PDX1: variants seen among roughly 807,000 people sequenced by gnomAD.
The protein encoded by PDX1 is pancreas/duodenum homeobox protein 1.
In PDX1, 7 loss-of-function variants were observed where a neutral mutation model predicts 11.1. The observed-to-expected ratio is 0.63, with a 90% confidence interval of 0.36 to 1.19. The LOEUF (loss-of-function observed/expected upper bound fraction) is 1.19, where lower values mean the gene tolerates loss of function less well. Among genes scored for constraint, PDX1 ranks in the 50% most tolerant of loss-of-function variants. The pLI is 0.02. For missense variants in PDX1, 449 were observed against 412.1 expected (o/e 1.09, Z -0.78); for synonymous variants, 232 against 196.2 (o/e 1.18, Z -1.53).
In PDX1 at chr13:27,925,751, A is replaced by G. The variant is rs1246481906; in HGVS notation, c.*1050A>G. Reference sequence around the variant, plus strand: ...GAACATCTTGCAAGGCAGGGCGAGCAGCGGCAGGGCTGGCTTAGGAGCAGT... The same window carrying G: ...GAACATCTTGCAAGGCAGGGCGAGCGGCGGCAGGGCTGGCTTAGGAGCAGT... On this transcript the variant is annotated 3_prime_UTR_variant, in exon 2 of 2. Coordinates refer to ENST00000381033, the MANE Select transcript of PDX1 (RefSeq NM_000209.4). 6.3e-6 allele frequency: 1 copy of G among 159,084 alleles called. No individual in the cohort carries two copies. Among genetic ancestry groups the G allele is most frequent in the Non-Finnish European group, 1.4e-5 (1 of 72,800 alleles). The allele number at this position is 159,084 out of a possible 1,614,324, so 9.9% of individuals were successfully genotyped here.
In PDX1 at chr13:27,924,497, G is replaced by C; in HGVS notation, c.648G>C (p.Gly216=). ...DKKRGGGTAV[G]GGGVAEPEQD... Reference sequence around the variant, plus strand: ...AGCGCGGCGGCGGGACAGCTGTCGGGGGTGGCGGGGTCGCGGAGCCTGAGC... The same window carrying C: ...AGCGCGGCGGCGGGACAGCTGTCGGCGGTGGCGGGGTCGCGGAGCCTGAGC... Residue 216 remains glycine (G), a synonymous_variant, in exon 2 of 2, where the codon GGG becomes GGC. Coordinates refer to ENST00000381033, the MANE Select transcript of PDX1 (RefSeq NM_000209.4). The surrounding 1 kb of genome is among the most constrained non-coding windows in gnomAD (Gnocchi z 4.8). The C allele has an allele frequency of 1.2e-6, 2 of 1,611,942 alleles. No individual in the cohort carries two copies. Among genetic ancestry groups the C allele is most frequent in the Non-Finnish European group, 8.5e-7 (1 of 1,179,618 alleles).
chr13:27,924,725 A>AG lies in PDX1; in HGVS notation c.*28dup. 1 of 1,458,780 alleles carries AG rather than the reference A, an allele frequency of 6.9e-7. No individual in the cohort carries two copies. The highest frequency in any genetic ancestry group is 9.0e-7 in the Non-Finnish European group (1 of 1,109,748). 90.4% of individuals were successfully genotyped at this position (1,458,780 alleles called of 1,614,324 possible). Reference sequence around the variant, plus strand: ...GAGAGGCAGGAGCTGCTCCTGGCTGAGGGGCTTCAACCACTCGCCGAGGAG... The same window carrying AG: ...GAGAGGCAGGAGCTGCTCCTGGCTGAGGGGGCTTCAACCACTCGCCGAGGAG... On this transcript the variant is annotated 3_prime_UTR_variant, in exon 2 of 2. Transcript: ENST00000381033. The surrounding 1 kb of genome is among the most constrained non-coding windows in gnomAD (Gnocchi z 4.8).
rs757558416 is a variant in PDX1 at position 27,920,533 on chromosome 13, G to A, written c.395G>A (p.Gly132Asp). ...MKSTKAHAWK[G>D]QWAGGAYAAE... Reference sequence around the variant, plus strand: ...TCTACCAAAGCTCACGCGTGGAAAGGCCAGTGGGCAGGTAAGCCTGGCTCC... The same window carrying A: ...TCTACCAAAGCTCACGCGTGGAAAGACCAGTGGGCAGGTAAGCCTGGCTCC... The change falls in exon 1 of 2, where the codon GGC becomes GAC. Residue 132 changes from glycine (G) to aspartate (D), a missense_variant. Gly to Asp is a moderately conservative substitution (Grantham distance 94). Around this residue, in one of 3 missense-constraint regions of PDX1, gnomAD observed 263 missense variants for 212.5 expected, o/e 1.24. Coordinates refer to ENST00000381033, the MANE Select transcript of PDX1 (RefSeq NM_000209.4). 37 of 1,612,922 alleles carry A rather than the reference G, an allele frequency of 2.3e-5. No homozygotes were observed. In the South Asian group the frequency reaches 4.0e-4, roughly 17 times the overall value.
chr13:27,924,490 C>T lies in PDX1; in HGVS notation c.641C>T (p.Ala214Val), dbSNP rs1170060236. 3.7e-6 allele frequency: 6 copies of T among 1,612,438 alleles called. No individual in the cohort carries two copies. The highest frequency in any genetic ancestry group is 5.1e-6 in the Non-Finnish European group (6 of 1,179,766). The change falls in exon 2 of 2, where the codon GCT (alanine) becomes GTT (valine). Residue 214 changes from alanine (A) to valine (V), a missense_variant. Coordinates refer to ENST00000381033, the MANE Select transcript of PDX1 (RefSeq NM_000209.4). This position sits in a 1 kb window ranked among gnomAD's most constrained non-coding sequence, Gnocchi z 4.8. ...GACAAGAAGCGCGGCGGCGGGACAGCTGTCGGGGGTGGCGGGGTCGCGGAG... is the reference window on the plus strand; with the variant it reads ...GACAAGAAGCGCGGCGGCGGGACAGTTGTCGGGGGTGGCGGGGTCGCGGAG... ...EEDKKRGGGTAVGGGGVAEPE... is the reference protein window; with the variant it reads ...EEDKKRGGGTVVGGGGVAEPE...
chr13:27,924,697 G>T lies in PDX1; in HGVS notation c.848G>T (p.Arg283Leu), dbSNP rs754817283. 2 of 1,472,036 alleles carry T rather than the reference G, an allele frequency of 1.4e-6. No individual in the cohort carries two copies. The highest frequency in any genetic ancestry group is 1.3e-5 in the South Asian group (1 of 75,852). The allele number at this position is 1,472,036 out of a possible 1,614,324, so 91.2% of individuals were successfully genotyped here. The change falls in exon 2 of 2, where the codon CGA (arginine) becomes CTA (leucine). Residue 283 changes from arginine (R) to leucine (L), a missense_variant. Transcript: ENST00000381033. The surrounding 1 kb of genome is among the most constrained non-coding windows in gnomAD (Gnocchi z 4.8). ...GCGCCTCGGCGGCCGCAGGAACCAC[G>T]ATGAGAGGCAGGAGCTGCTCCTGGC... is the stretch of plus-strand genomic sequence containing the variant. ...SVAPRRPQEP[R>L]
At chr13:27,921,923 G>A (rs909353493) in intron 1 of PDX1, among the ~76,000 whole-genome samples, 1 of 152,208 alleles carries the variant, frequency 6.6e-6, no homozygotes, top group African/African-American at 2.4e-5. Context: ...GAAGTCTCCG[G>A]AAATGCGGGG....
Position 27,920,027 on chromosome 13 carries a change from G to C in PDX1, c.-112G>C. 3.0e-6 allele frequency: 4 copies of C among 1,340,028 alleles called. No homozygotes were observed. The highest frequency in any genetic ancestry group is 4.1e-6 in the Non-Finnish European group (4 of 965,282). 83.0% of individuals were successfully genotyped at this position (1,340,028 alleles called of 1,614,324 possible). A position where few individuals can be genotyped will look rare whatever the true frequency, so the allele number is the denominator to read the frequency against. ...GATCAGTGCGGAGCTGTCAAAGCGA[G>C]CAGGGGTGGCGCCGGGAGTGGGAAC... On this transcript the variant is annotated 5_prime_UTR_variant, in exon 1 of 2. Coordinates refer to ENST00000381033, the MANE Select transcript of PDX1 (RefSeq NM_000209.4).
chr13:27,920,928 A>C (rs1957781869), intron 1 of PDX1, among the ~76,000 whole-genome samples: 1 of 152,174 alleles, frequency 6.6e-6, no homozygotes, highest in Non-Finnish European at 1.5e-5. Flanking sequence ...CACATCGAGG[A>C]AGCCGAGTAG....
intron 1 of PDX1, 50 bp downstream of exon 1, chr13:27,920,594 C>T (rs769449809): frequency 3.0e-5 from 48 of 1,591,910 alleles, no homozygotes; most frequent in Non-Finnish European, 4.1e-5. Context: ...CACCCGGCCG[C>T]CTTACCTCCA....
Position 27,920,147 on chromosome 13 carries a change from C to A in PDX1, c.9C>A (p.Gly3=). 3 of 1,549,766 alleles carry A rather than the reference C, an allele frequency of 1.9e-6. No homozygotes were observed. Among genetic ancestry groups the A allele is most frequent in the Non-Finnish European group, 2.6e-6 (3 of 1,146,676 alleles). ...AATCCCGGGCCGCAGCCATGAACGG[C>A]GAGGAGCAGTACTACGCGGCCACGC... MN[G]EEQYYAATQL... Residue 3 remains glycine (G), a synonymous_variant, in exon 1 of 2, where the codon GGC becomes GGA. Transcript: ENST00000381033.
In PDX1 at chr13:27,924,995, T is replaced by C; in HGVS notation, c.*294T>C. ...GCGTTGTTTGTGGCTGTTGCGCACA[T>C]CCCTGCCCTCCTACAGCACTCCACC... On this transcript the variant is annotated 3_prime_UTR_variant, in exon 2 of 2. Transcript: ENST00000381033. This position sits in a 1 kb window ranked among gnomAD's most constrained non-coding sequence, Gnocchi z 4.8. 2.8e-6 allele frequency: 1 copy of C among 360,176 alleles called. No homozygotes were observed. Among genetic ancestry groups the C allele is most frequent in the Non-Finnish European group, 4.9e-6 (1 of 204,074 alleles). The allele number at this position is 360,176 out of a possible 1,614,324, so 22.3% of individuals were successfully genotyped here. A position where few individuals can be genotyped will look rare whatever the true frequency, so the allele number is the denominator to read the frequency against.
Position 27,924,660 on chromosome 13 carries a change from C to G in PDX1, c.811C>G (p.Pro271Ala), listed in dbSNP as rs541584830. The G allele has an allele frequency of 2.0e-6, 3 of 1,475,870 alleles. No homozygotes were observed. The highest frequency in any genetic ancestry group is 2.6e-5 in the South Asian group (2 of 76,558). The allele number at this position is 1,475,870 out of a possible 1,614,324, so 91.4% of individuals were successfully genotyped here. The change falls in exon 2 of 2, where the codon CCC becomes GCC. Residue 271 changes from proline to alanine, a missense_variant. This residue lies in a region of PDX1 where 139 missense variants were observed against 121.4 expected (regional missense o/e 1.14). Coordinates refer to ENST00000381033, the MANE Select transcript of PDX1 (RefSeq NM_000209.4). The surrounding 1 kb of genome is among the most constrained non-coding windows in gnomAD (Gnocchi z 4.8). Reference protein sequence around the residue: ...LPPGLSASPQPSSVAPRRPQE... With the variant: ...LPPGLSASPQASSVAPRRPQE... ...GCCTGGCCTTAGCGCGTCGCCACAGCCCTCCAGCGTCGCGCCTCGGCGGCC... is the reference window on the plus strand; with the variant it reads ...GCCTGGCCTTAGCGCGTCGCCACAGGCCTCCAGCGTCGCGCCTCGGCGGCC...
intron 1 of PDX1, among the ~76,000 whole-genome samples, chr13:27,923,032 A>G (rs1957799443): frequency 6.6e-6 from 1 of 151,976 alleles, no homozygotes; most frequent in Non-Finnish European, 1.5e-5. Context: ...ACCCGCCCCC[A>G]ACACACACAC....
intron 1 of PDX1, among the ~76,000 whole-genome samples, chr13:27,923,491 AGTT>A (rs1344855850): frequency 2.6e-5 from 4 of 152,238 alleles, no homozygotes; most frequent in Non-Finnish European, 4.4e-5. Context: ...GTCCGGCTGA[AGTT>A]AAAACAATTA....
rs1566023975 is a variant in PDX1, at chr13:27,920,264, C to G, written c.126C>G (p.Pro42=). ...PPACLYMGRQ[P]PPPPPHPFPG... is the part of the protein sequence containing the mutation. ...CGTGCCTGTACATGGGCCGCCAGCC[C>G]CCGCCGCCGCCGCCGCACCCGTTCC... The change falls in exon 1 of 2, where the codon CCC becomes CCG. Residue 42 remains proline (P), a synonymous_variant. Transcript: ENST00000381033. 3.2e-6 allele frequency: 5 copies of G among 1,540,434 alleles called. No individual in the cohort carries two copies. The Admixed American group carries it at 9.9e-5, about 31-fold the overall frequency.
intron 1 of PDX1, 72 bp downstream of exon 1, chr13:27,920,616 G>C: frequency 6.6e-7 from 1 of 1,514,556 alleles, no homozygotes; most frequent in Non-Finnish European, 9.2e-7. Context: ...GCGCTCCCAG[G>C]AGCCTTCTCT....
intron 1 of PDX1, among the ~76,000 whole-genome samples, chr13:27,923,165 T>A (rs1957800172): frequency 1.3e-5 from 2 of 152,246 alleles, no homozygotes; most frequent in South Asian, 4.1e-4. Context: ...GTCCACAGCC[T>A]GGGTGCAGTC....
rs1321426197 is a variant in PDX1 at position 27,925,220 on chromosome 13, T to C, written c.*519T>C. On this transcript the variant is annotated 3_prime_UTR_variant, in exon 2 of 2. Transcript: ENST00000381033. ...TTGAGTTTTCAAAGATCCCGTGAAATTGATGCCAGTGGAATACAGTGAGTC... is the reference window on the plus strand; with the variant it reads ...TTGAGTTTTCAAAGATCCCGTGAAACTGATGCCAGTGGAATACAGTGAGTC... The C allele has an allele frequency of 1.1e-5, 2 of 189,646 alleles. No homozygotes were observed. The highest frequency in any genetic ancestry group is 4.7e-5 in the African/African-American group (2 of 42,260). 11.7% of individuals were successfully genotyped at this position (189,646 alleles called of 1,614,324 possible).
chr13:27,920,073 C>T lies in PDX1; in HGVS notation c.-66C>T, dbSNP rs952795775. 6.5e-7 allele frequency: 1 copy of T among 1,538,704 alleles called. No individual in the cohort carries two copies. ...GGAACGCCACACAGTGCCAAATCCC[C>T]GGCTCCAGCTCCCGACTCCCGGCTC... is the stretch of plus-strand genomic sequence containing the variant. On this transcript the variant is annotated 5_prime_UTR_variant, in exon 1 of 2. Transcript: ENST00000381033.
Sources: allele counts gnomAD v4.1 joint callset (sites outside exome capture counted in the v4.1 genomes callset), GRCh38; gene constraint gnomAD v4.1.1; regional missense constraint gnomAD v4.1.1; non-coding constraint Gnocchi (gnomAD v3.1); transcripts MANE v1.5; gene names NCBI Gene and HGNC (gene_info 2026-07-23, HGNC 2026-07-21).